The following SSH1 variants were observed in gnomAD, a reference collection of about 807,000 sequenced individuals.
SSH1 encodes protein phosphatase Slingshot homolog 1.
SSH1 carries 43 observed loss-of-function variants against 79.7 expected under a neutral mutation model. That is an observed-to-expected ratio of 0.54 (90% CI 0.42 to 0.70). The LOEUF (loss-of-function observed/expected upper bound fraction) is 0.70. Among genes scored for constraint, SSH1 ranks in the 30% least tolerant of loss-of-function variants. The probability of loss-of-function intolerance (pLI) is 0.00; values close to 1 mark genes in which losing one functional copy is unlikely to be tolerated. For missense variants in SSH1, 1,206 were observed against 1,358.8 expected, an observed-to-expected ratio of 0.89 and a Z score of 1.77; for synonymous variants, 599 against 538.3, an observed-to-expected ratio of 1.11 and a Z score of -1.56.
chr12:108,825,601 G>T (rs1593098613), intron 2 of SSH1, among the ~76,000 whole-genome samples: 1 of 152,246 alleles, frequency 6.6e-6, no homozygotes, highest in East Asian at 1.9e-4. Context: ...TCGATATCTT[G>T]TGACACCAAT....
Position 108,787,998 on chromosome 12 carries a change from C to T in SSH1, c.3140G>A (p.Ser1047Asn). The change falls in exon 15 of 15, where the codon AGC becomes AAC. Residue 1047 changes from serine to asparagine, a missense_variant. Coordinates refer to ENST00000326495, the MANE Select transcript of SSH1 (RefSeq NM_018984.4). ...GCAGCAAAAGGCGGGTCAGCTTTTG[C>T]TCATCCACGAAGGGCTCTTTAAGTT... is the stretch of plus-strand genomic sequence containing the variant. ...PENLKSPSWM[S>N]KS 1 of 1,614,126 alleles carries T rather than the reference C, an allele frequency of 6.2e-7. No homozygotes were observed. Among genetic ancestry groups the T allele is most frequent in the Non-Finnish European group, 8.5e-7 (1 of 1,180,036 alleles).
At chr12:108,850,851 G>A in intron 2 of SSH1, among the ~76,000 whole-genome samples, 1 of 148,086 alleles carries the variant, frequency 6.8e-6, no homozygotes. Flanking sequence ...AGGGCAGTTG[G>A]GGGCAGGCAT....
chr12:108,787,920 A>C lies in SSH1; in HGVS notation c.*68T>G. 6.3e-7 allele frequency: 1 copy of C among 1,595,072 alleles called. No individual in the cohort carries two copies. Among genetic ancestry groups the C allele is most frequent in the Non-Finnish European group, 8.6e-7 (1 of 1,164,208 alleles). Reference sequence around the variant, plus strand: ...ATCAAGATGTAAGGGGTCGATCCAAATCCACAGTGAAAGTGAGGGAGGGAT... The same window carrying C: ...ATCAAGATGTAAGGGGTCGATCCAACTCCACAGTGAAAGTGAGGGAGGGAT... On this transcript the variant is annotated 3_prime_UTR_variant, in exon 15 of 15. Coordinates refer to ENST00000326495, the MANE Select transcript of SSH1 (RefSeq NM_018984.4).
intron 2 of SSH1, among the ~76,000 whole-genome samples, chr12:108,844,061 G>A (rs748507149): frequency 4.6e-5 from 7 of 152,066 alleles, no homozygotes; most frequent in Non-Finnish European, 7.4e-5. Context: ...AAGGAAGTAC[G>A]GGCAGGGGCA....
At chr12:108,852,482 A>T (rs1366687874) in intron 2 of SSH1, among the ~76,000 whole-genome samples, 156 bp downstream of exon 2, 1 of 152,096 alleles carries the variant, frequency 6.6e-6, no homozygotes, top group African/African-American at 2.4e-5. Flanking sequence ...CACCCGCCTC[A>T]GCCTCCCAAA....
chr12:108,822,272 T>C (rs1051941238), intron 3 of SSH1, among the ~76,000 whole-genome samples: 1 of 151,904 alleles, frequency 6.6e-6, no homozygotes, highest in African/African-American at 2.4e-5. Flanking sequence ...TTGCTGGGAT[T>C]ACAGGCATGC....
chr12:108,852,653 C>T lies in SSH1; in HGVS notation c.95G>A (p.Arg32Gln), dbSNP rs769330602. The T allele has an allele frequency of 1.3e-5, 21 of 1,614,046 alleles. No homozygotes were observed. Among genetic ancestry groups the T allele is most frequent in the East Asian group, 2.2e-5 (1 of 44,900 alleles). ...SELEAGSEED[R>Q]KLNLSLSESF... Reference sequence around the variant, plus strand: ...GTCTGCTTACCTGAGGTTTAATTTTCGATCTTCTTCGCTGCCAGCCTCCAA... The same window carrying T: ...GTCTGCTTACCTGAGGTTTAATTTTTGATCTTCTTCGCTGCCAGCCTCCAA... Residue 32 changes from arginine to glutamine, a missense_variant, in exon 2 of 15, where the codon CGA becomes CAA. Around this residue, in one of 5 missense-constraint regions of SSH1, gnomAD observed 100 missense variants for 82.3 expected, o/e 1.21. Transcript: ENST00000326495.
At position 108,811,323 on chromosome 12, in the gene SSH1, C is replaced by A. The variant is rs367979171; in HGVS notation, c.407G>T (p.Ser136Ile). The A allele has an allele frequency of 1.2e-6, 2 of 1,614,224 alleles. No individual in the cohort carries two copies. Among genetic ancestry groups the A allele is most frequent in the Admixed American group, 3.3e-5 (2 of 60,028 alleles). ...GVDFSSKESK[S>I]CTIGMVLRLW... ...TCGGAGAACCATCCCAATGGTGCAGCTTTTACTGCGATGGGGGAGAGAAGA... is the reference window on the plus strand; with the variant it reads ...TCGGAGAACCATCCCAATGGTGCAGATTTTACTGCGATGGGGGAGAGAAGA... Residue 136 changes from serine (S) to isoleucine (I), a missense_variant, in exon 6 of 15, where the codon AGC becomes ATC. Ser to Ile is a moderately radical substitution (Grantham distance 142). Around this residue, in one of 5 missense-constraint regions of SSH1, gnomAD observed 115 missense variants for 173.9 expected, o/e 0.66. Coordinates refer to ENST00000326495, the MANE Select transcript of SSH1 (RefSeq NM_018984.4).
At position 108,807,578 on chromosome 12, in the gene SSH1, G is replaced by A; in HGVS notation, c.731+55C>T. 2 of 1,573,668 alleles carry A rather than the reference G, an allele frequency of 1.3e-6. No homozygotes were observed. The highest frequency in any genetic ancestry group is 1.7e-6 in the Non-Finnish European group (2 of 1,146,254). ...AGGGTCGGGCACAGGGCAGGTGGGG[G>A]AGAGGCAGGTGCCTGTGGGCTTGGG... On this transcript the variant is annotated intron_variant, in intron 8 of 14. Transcript: ENST00000326495. This position sits in a 1 kb window ranked among gnomAD's most constrained non-coding sequence, Gnocchi z 5.2.
chr12:108,827,199 C>T (rs760853250), intron 2 of SSH1: 242 of 1,473,808 alleles, frequency 1.6e-4, no homozygotes, highest in Non-Finnish European at 2.1e-4. Flanking sequence ...AAAATATAAA[C>T]AGCCAGTGTC....
chr12:108,852,635 T>G lies in SSH1; in HGVS notation c.110+3A>C. The G allele has an allele frequency of 6.2e-7, 1 of 1,614,154 alleles. No individual in the cohort carries two copies. The highest frequency in any genetic ancestry group is 8.5e-7 in the Non-Finnish European group (1 of 1,180,014). On this transcript the variant is annotated splice_donor_region_variant and intron_variant, in intron 2 of 14. Transcript: ENST00000326495. ...TAGGAACAAGAATTGAAAGTCTGCT[T>G]ACCTGAGGTTTAATTTTCGATCTTC...
At chr12:108,846,145 TCA>T (rs1343447465) in intron 2 of SSH1, among the ~76,000 whole-genome samples, 1 of 152,046 alleles carries the variant, frequency 6.6e-6, no homozygotes. Flanking sequence ...GTCAGGGAGT[TCA>T]CAGTTTACCA....
intron 3 of SSH1, among the ~76,000 whole-genome samples, chr12:108,818,580 T>C (rs567273320): frequency 2.6e-5 from 4 of 152,252 alleles, no homozygotes; most frequent in African/African-American, 9.6e-5. Flanking sequence ...ACAGTATAGG[T>C]TTCCAAATAC....
At chr12:108,798,491 C>T (rs1425233161) in intron 13 of SSH1, among the ~76,000 whole-genome samples, 1 of 152,172 alleles carries the variant, frequency 6.6e-6, no homozygotes, top group South Asian at 2.1e-4. Context: ...AGTGCATGTC[C>T]CAGGCCCAGC....
At chr12:108,819,823 A>C (rs1257035526) in intron 3 of SSH1, among the ~76,000 whole-genome samples, 3 of 152,174 alleles carry the variant, frequency 2.0e-5, no homozygotes, top group Non-Finnish European at 2.9e-5. Context: ...ATTACTCTAT[A>C]CATCACAATT....
rs886311990 is a variant in SSH1, at chr12:108,789,010, C to T, written c.2128G>A (p.Glu710Lys). ...VPEKPASGPT[E>K]PPPFLPPAGS... ...GCTGGTGGTAGGAACGGGGGAGGTT[C>T]GGTTGGGCCAGAGGCTGGCTTCTCC... Residue 710 changes from glutamate (E) to lysine (K), a missense_variant, in exon 15 of 15, where the codon GAA (glutamate) becomes AAA (lysine). Glu to Lys is a moderately conservative substitution (Grantham distance 56). Coordinates refer to ENST00000326495, the MANE Select transcript of SSH1 (RefSeq NM_018984.4). 6.8e-6 allele frequency: 11 copies of T among 1,608,472 alleles called. No homozygotes were observed. The highest frequency in any genetic ancestry group is 1.7e-5 in the Admixed American group (1 of 59,564).
intron 1 of SSH1, among the ~76,000 whole-genome samples, chr12:108,854,691 T>C (rs2039109672): frequency 6.6e-6 from 1 of 152,168 alleles, no homozygotes; most frequent in Non-Finnish European, 1.5e-5. Flanking sequence ...TCGGTCACTC[T>C]CTGAGGTTCT....
chr12:108,787,797 A>G lies in SSH1; in HGVS notation c.*191T>C. The G allele has an allele frequency of 1.4e-6, 1 of 725,902 alleles. No homozygotes were observed. Among genetic ancestry groups the G allele is most frequent in the Non-Finnish European group, 2.2e-6 (1 of 448,346 alleles). 45.0% of individuals were successfully genotyped at this position (725,902 alleles called of 1,614,324 possible). On this transcript the variant is annotated 3_prime_UTR_variant, in exon 15 of 15. Coordinates refer to ENST00000326495, the MANE Select transcript of SSH1 (RefSeq NM_018984.4). ...GGTTCTCCCAGGCCACACGACTGAC[A>G]GCTCCCCTTCTTGTGCTGCATGTTG...
Position 108,857,344 on chromosome 12 carries a change from T to A in SSH1, c.69+84A>T, listed in dbSNP as rs1057200529. The A allele has an allele frequency of 1.2e-6, 1 of 826,256 alleles. No individual in the cohort carries two copies. The highest frequency in any genetic ancestry group is 1.5e-6 in the Non-Finnish European group (1 of 685,630). The allele number at this position is 826,256 out of a possible 1,614,324, so 51.2% of individuals were successfully genotyped here. On this transcript the variant is annotated intron_variant, in intron 1 of 14. Transcript: ENST00000326495. The surrounding 1 kb of genome is among the most constrained non-coding windows in gnomAD (Gnocchi z 4.7). ...CGAGGAGCCCGCGCAGCCGCCCCCC[T>A]GCCCCGCACGCGCGGCCCCAGCTCC...
Sources: allele counts gnomAD v4.1 joint callset (sites outside exome capture counted in the v4.1 genomes callset), GRCh38; gene constraint gnomAD v4.1.1; regional missense constraint gnomAD v4.1.1; non-coding constraint Gnocchi (gnomAD v3.1); transcripts MANE v1.5; gene names NCBI Gene and HGNC (gene_info 2026-07-23, HGNC 2026-07-21).